TMEM116: variants seen among roughly 807,000 people sequenced by gnomAD.
TMEM116 encodes the protein transmembrane protein 116.
Under a neutral mutation model 44.3 loss-of-function variants are expected in TMEM116, and 38 were observed. The observed-to-expected ratio is 0.86, with a 90% CI of 0.66 to 1.12. The LOEUF (loss-of-function observed/expected upper bound fraction) is 1.12, where lower values mean the gene tolerates loss of function less well. Ranked by LOEUF, TMEM116 falls within the 50% of genes most tolerant of loss-of-function variation. The pLI, the probability that TMEM116 is intolerant of heterozygous loss-of-function variation, is 0.00. For missense variants in TMEM116, 354 were observed against 401.7 expected (o/e 0.88, Z 1.01); for synonymous variants, 132 against 144.8 (o/e 0.91, Z 0.64).
intron 8 of TMEM116, chr12:111,935,725 C>CT (rs1327154726): frequency 6.6e-6 from 1 of 151,682 alleles, no homozygotes; most frequent in Admixed American, 6.6e-5. Flanking sequence ...ACTGTGACCT[C>CT]TGTCTCCTGG....
intron 1 of TMEM116, chr12:112,005,879 G>C: frequency 1.0e-6 from 1 of 952,530 alleles, no homozygotes; most frequent in Non-Finnish European, 1.3e-6. Flanking sequence ...GAGATTGTGA[G>C]TGAAAAATGC....
rs763182324 is a variant in TMEM116 at position 111,936,630 on chromosome 12, A to G, written c.588+62T>C. ...GCCCCATCTTTCCCAGGTCCTGGGA[A>G]TACTGGCCCATCCCCTTCATTTCCT... On this transcript the variant is annotated intron_variant, in intron 8 of 10. Transcript: ENST00000552374. The G allele has an allele frequency of 2.5e-6, 4 of 1,571,648 alleles. No individual in the cohort carries two copies. In the Admixed American group the frequency reaches 5.7e-5, roughly 22 times the overall value.
intron 3 of TMEM116, among the ~76,000 whole-genome samples, chr12:111,996,449 A>G (rs901040093): frequency 6.6e-6 from 1 of 152,204 alleles, no homozygotes; most frequent in Non-Finnish European, 1.5e-5. Flanking sequence ...CTACTTTATT[A>G]GTAATAAAGG....
At chr12:111,989,003 CAAAACAAAAACA>C (rs758897074) in intron 4 of TMEM116, among the ~76,000 whole-genome samples, 1 of 149,058 alleles carries the variant, frequency 6.7e-6, no homozygotes, top group Non-Finnish European at 1.5e-5. Flanking sequence ...AAAACAAAAA[CAAAACAAAAACA>C]AAAACAAAAA....
chr12:111,995,244 A>T (rs892454818), intron 3 of TMEM116, among the ~76,000 whole-genome samples: 4 of 152,198 alleles, frequency 2.6e-5, no homozygotes, highest in Non-Finnish European at 5.9e-5. Flanking sequence ...TAGTACAGGG[A>T]TGGACAAATA....
At chr12:111,971,880 A>G (rs1035244262) in intron 4 of TMEM116, among the ~76,000 whole-genome samples, 1 of 152,054 alleles carries the variant, frequency 6.6e-6, no homozygotes, top group Non-Finnish European at 1.5e-5. Flanking sequence ...AATCTGAGAC[A>G]AGCTTGGGCA....
At chr12:111,999,488 C>T (rs764609248) in intron 3 of TMEM116, among the ~76,000 whole-genome samples, 1 of 151,716 alleles carries the variant, frequency 6.6e-6, no homozygotes, top group Non-Finnish European at 1.5e-5. Flanking sequence ...CCCAGCTACT[C>T]GGGAGGCTGA....
chr12:111,979,183 A>C (rs2075822286), intron 4 of TMEM116, among the ~76,000 whole-genome samples: 1 of 152,210 alleles, frequency 6.6e-6, no homozygotes, highest in South Asian at 2.1e-4. Flanking sequence ...ATACATGTAC[A>C]CATGTTCATA....
chr12:111,989,672 A>G (rs531196821), intron 4 of TMEM116, among the ~76,000 whole-genome samples: 7 of 152,352 alleles, frequency 4.6e-5, no homozygotes, highest in Admixed American at 2.0e-4. Flanking sequence ...GAACAGGAAA[A>G]TGTGACCCAC....
chr12:111,965,368 C>T (rs1393065041), intron 4 of TMEM116, among the ~76,000 whole-genome samples: 2 of 152,044 alleles, frequency 1.3e-5, no homozygotes, highest in African/African-American at 2.4e-5. Flanking sequence ...TTTTTTAATA[C>T]AGAAAAAATA....
At chr12:112,006,399 T>C (rs2136741930) in intron 1 of TMEM116, among the ~76,000 whole-genome samples, 1 of 151,456 alleles carries the variant, frequency 6.6e-6, no homozygotes, top group South Asian at 2.1e-4. Flanking sequence ...AGAAAGGAGG[T>C]CTCCCTAAAA....
intron 1 of TMEM116, among the ~76,000 whole-genome samples, chr12:112,009,788 G>A (rs2077754442): frequency 6.6e-6 from 1 of 151,514 alleles, no homozygotes; most frequent in South Asian, 2.1e-4. Context: ...GGAGGTTGCA[G>A]TGAGCTGAGA....
chr12:111,975,436 AT>A (rs144352398), intron 4 of TMEM116, among the ~76,000 whole-genome samples: 2,334 of 152,340 alleles, frequency 0.015, 69 homozygotes, highest in African/African-American at 0.053. Flanking sequence ...GATTACAGGC[AT>A]GAGCCACAGC....
At chr12:111,960,050 C>T (rs2074461348) in intron 4 of TMEM116, among the ~76,000 whole-genome samples, 2 of 152,192 alleles carry the variant, frequency 1.3e-5, no homozygotes, top group South Asian at 4.1e-4. Context: ...AATATACATT[C>T]TTCTCAGCAC....
chr12:111,972,076 GAAAAAAAAAAA>G (rs762088997), intron 4 of TMEM116, among the ~76,000 whole-genome samples: 2 of 57,534 alleles, frequency 3.5e-5, no homozygotes, highest in African/African-American at 6.3e-5. Flanking sequence ...CCCTATCTGT[GAAAAAAAAAAA>G]AAAAAAAAAC....
chr12:112,002,571 A>G (rs969614846), intron 3 of TMEM116, among the ~76,000 whole-genome samples: 3 of 151,828 alleles, frequency 2.0e-5, no homozygotes, highest in Non-Finnish European at 1.5e-5. Flanking sequence ...TCTCAAAAAA[A>G]AAAAAAAGAA....
intron 9 of TMEM116, 69 bp downstream of exon 9, chr12:111,933,816 GA>G (rs1257276315): frequency 6.3e-7 from 1 of 1,584,190 alleles, no homozygotes; most frequent in African/African-American, 1.3e-5. Context: ...TTCTTAGTGA[GA>G]CCACTTTGCT....
chr12:112,010,876 C>G (rs2077808477), intron 1 of TMEM116: 1 of 152,270 alleles, frequency 6.6e-6, no homozygotes, highest in Non-Finnish European at 1.5e-5. Context: ...CCAGAAGATG[C>G]ACCACGAGTC....
At chr12:112,008,349 C>G (rs1016893618) in intron 1 of TMEM116, among the ~76,000 whole-genome samples, 1 of 151,942 alleles carries the variant, frequency 6.6e-6, no homozygotes, top group African/African-American at 2.4e-5. Context: ...GGTATGGTGG[C>G]GGGCGCCTGT....
Sources: gnomAD v4.1 joint callset for allele counts (sites outside exome capture counted in the v4.1 genomes callset) on GRCh38, gnomAD v4.1.1 for gene constraint, MANE v1.5 for transcripts, NCBI Gene and HGNC (gene_info 2026-07-23, HGNC 2026-07-21) for gene names.